The following ACRBP variants were observed in gnomAD, a reference collection of about 807,000 sequenced individuals.
ACRBP encodes acrosin-binding protein.
Under a neutral mutation model 69.0 loss-of-function variants are expected in ACRBP, and 52 were observed. The observed-to-expected ratio is 0.75, with a 90% CI of 0.60 to 0.95. The LOEUF is 0.95. ACRBP is among the 40% of genes least tolerant of loss of function. The pLI is 0.00. For synonymous variants in ACRBP, 267 were observed against 258.9 expected (o/e 1.03, Z -0.30); for missense variants, 604 against 673.0 (o/e 0.90, Z 1.13).
chr12:6,644,338 AG>A lies in ACRBP; in HGVS notation c.742del (p.Leu248CysfsTer28), dbSNP rs781088084. 6.2e-7 allele frequency: 1 copy of A among 1,614,108 alleles called. No individual in the cohort carries two copies. The highest frequency in any genetic ancestry group is 8.5e-7 in the Non-Finnish European group (1 of 1,180,018). On this transcript the variant is annotated frameshift_variant, in exon 5 of 10. Transcript: ENST00000229243. LOFTEE classifies it high-confidence loss of function. ...AAACTTGGGCTCTGAGTCTGTCTGC[AG>A]CTGAGACACAGCCTCCCGTCCCTCC... ...TKEGREAVSQ[L>X]QTDSEPKFHS... is the part of the protein sequence containing the mutation.
In ACRBP at chr12:6,640,654, C is replaced by T; in HGVS notation, c.1078-132G>A. 1.0e-6 allele frequency: 1 copy of T among 994,802 alleles called. No individual in the cohort carries two copies. Among genetic ancestry groups the T allele is most frequent in the Non-Finnish European group, 1.4e-6 (1 of 690,818 alleles). 61.6% of individuals were successfully genotyped at this position (994,802 alleles called of 1,614,324 possible). On this transcript the variant is annotated intron_variant, in intron 6 of 9. Coordinates refer to ENST00000229243, the MANE Select transcript of ACRBP (RefSeq NM_032489.3). This position sits in a 1 kb window ranked among gnomAD's most constrained non-coding sequence, Gnocchi z 5.3. ...TCTTCCAAAAGCTTCTCTGGGTTTTCTACTTGGCCTCCTCCCCAAGGGTTC... is the reference window on the plus strand; with the variant it reads ...TCTTCCAAAAGCTTCTCTGGGTTTTTTACTTGGCCTCCTCCCCAAGGGTTC...
At position 6,644,435 on chromosome 12, in the gene ACRBP, C is replaced by T; in HGVS notation, c.646G>A (p.Gly216Arg). 2 of 1,614,080 alleles carry T rather than the reference C, an allele frequency of 1.2e-6. No homozygotes were observed. Among genetic ancestry groups the T allele is most frequent in the Non-Finnish European group, 1.7e-6 (2 of 1,180,014 alleles). The part of the protein sequence containing the change: ...EPTQEHKQEE[G>R]QKQEEQEEEQ... ...TCTTCTTGCTCTTCCTGTTTCTGCCCCTCTTCCTGCTTGTGTTCTTGTGTC... is the reference window on the plus strand; with the variant it reads ...TCTTCTTGCTCTTCCTGTTTCTGCCTCTCTTCCTGCTTGTGTTCTTGTGTC... Residue 216 changes from glycine to arginine, a missense_variant, in exon 5 of 10, where the codon GGG (glycine) becomes AGG (arginine). By Grantham distance (125) the Gly-to-Arg change is moderately radical. Transcript: ENST00000229243.
In ACRBP at chr12:6,640,234, C is replaced by T. The variant is rs375599035; in HGVS notation, c.1258-7G>A. 2.4e-5 allele frequency: 39 copies of T among 1,614,118 alleles called. 1 individual carries two copies. The highest frequency in any genetic ancestry group is 2.4e-4 in the African/African-American group (18 of 75,058). On this transcript the variant is annotated splice_region_variant and splice_polypyrimidine_tract_variant and intron_variant, in intron 7 of 9. Coordinates refer to ENST00000229243, the MANE Select transcript of ACRBP (RefSeq NM_032489.3). This position sits in a 1 kb window ranked among gnomAD's most constrained non-coding sequence, Gnocchi z 5.3. The stretch of plus-strand genomic sequence containing the variant: ...CTGATTCTGGGGACCCTACCTGTGG[C>T]ACAGGAGATAGGGGAGAGGTGCGTG...
chr12:6,641,754 C>G (rs74057049), intron 6 of ACRBP, among the ~76,000 whole-genome samples: 3,042 of 152,238 alleles, frequency 0.02, 120 homozygotes, highest in African/African-American at 0.07. Context: ...CATGAAATTT[C>G]TACCTCTTCT....
rs758023830 is a variant in ACRBP at position 6,645,308 on chromosome 12, A to C, written c.387T>G (p.Ile129Met). The C allele has an allele frequency of 5.0e-6, 8 of 1,613,696 alleles. No individual in the cohort carries two copies. In the South Asian group the frequency reaches 8.8e-5, roughly 18 times the overall value. Reference protein sequence around the residue: ...KRVLCSQPVSILSPNTLKEIE... With the variant: ...KRVLCSQPVSMLSPNTLKEIE... Reference sequence around the variant, plus strand: ...TCTCCTTGAGAGTGTTAGGTGAGAGAATAGAGACTGGCTGGGAACACAGGA... The same window carrying C: ...TCTCCTTGAGAGTGTTAGGTGAGAGCATAGAGACTGGCTGGGAACACAGGA... Residue 129 changes from isoleucine to methionine, a missense_variant, in exon 4 of 10, where the codon ATT becomes ATG. Physicochemically the swap from Ile to Met is conservative, Grantham distance 10 (BLOSUM62 1). Around this residue, in one of 3 missense-constraint regions of ACRBP, gnomAD observed 532 missense variants for 562.9 expected, o/e 0.95. Transcript: ENST00000229243.
chr12:6,644,693 C>T (rs1949075956), intron 4 of ACRBP, 88 bp from the exon 5 acceptor site: 1 of 1,502,114 alleles, frequency 6.7e-7, no homozygotes, highest in African/African-American at 1.4e-5. Context: ...CACACATAAA[C>T]AAAGCAGACC....
In ACRBP at chr12:6,638,876, G is replaced by A. The variant is rs753398961; in HGVS notation, c.1509+78C>T. The A allele has an allele frequency of 1.9e-6, 3 of 1,595,922 alleles. No homozygotes were observed. The East Asian group carries it at 6.7e-5, about 36-fold the overall frequency. The stretch of plus-strand genomic sequence containing the variant: ...TTCCACATCCTAGCTGCTCGCAGAG[G>A]GGGCCTCAGAATAGACCAGTTATGG... On this transcript the variant is annotated intron_variant, in intron 9 of 9. Coordinates refer to ENST00000229243, the MANE Select transcript of ACRBP (RefSeq NM_032489.3).
At chr12:6,644,678 G>A (rs1949075849) in intron 4 of ACRBP, 73 bp from the exon 5 acceptor site, 1 of 1,523,520 alleles carries the variant, frequency 6.6e-7, no homozygotes. Context: ...GTTCACAGAG[G>A]GACACACACA....
At chr12:6,638,847 C>A in intron 9 of ACRBP, 107 bp downstream of exon 9, 1 of 1,564,056 alleles carries the variant, frequency 6.4e-7, no homozygotes, top group African/African-American at 1.3e-5. Context: ...AAGCAGGAAC[C>A]GCTTTCCACA....
intron 9 of ACRBP, 137 bp from the exon 10 acceptor site, chr12:6,638,541 C>G: frequency 7.5e-7 from 1 of 1,333,828 alleles, no homozygotes; most frequent in Non-Finnish European, 1.0e-6. Context: ...AAGGAGGAAA[C>G]TCAAATGTGG....
chr12:6,638,361 A>C lies in ACRBP; in HGVS notation c.1553T>G (p.Leu518Arg), dbSNP rs777989155. The change falls in exon 10 of 10, where the codon CTG becomes CGG. Residue 518 changes from leucine (L) to arginine (R), a missense_variant. Coordinates refer to ENST00000229243, the MANE Select transcript of ACRBP (RefSeq NM_032489.3). ...AACGTCCTCACTTTTGCCAGGGCTC[A>C]GCGCACTGTAAGTCTCATTCTGCAG... is the stretch of plus-strand genomic sequence containing the variant. The part of the protein sequence containing the change: ...RCLQNETYSA[L>R]SPGKSEDVVL... 2 of 1,614,086 alleles carry C rather than the reference A, an allele frequency of 1.2e-6. No individual in the cohort carries two copies. Among genetic ancestry groups the C allele is most frequent in the South Asian group, 2.2e-5 (2 of 91,090 alleles).
intron 8 of ACRBP, among the ~76,000 whole-genome samples, chr12:6,639,369 G>A (rs568045723): frequency 6.6e-6 from 1 of 152,306 alleles, no homozygotes; most frequent in East Asian, 1.9e-4. Flanking sequence ...TGATGTCAAG[G>A]ATTTTTCTGG....
chr12:6,641,343 A>G (rs890010465), intron 6 of ACRBP, among the ~76,000 whole-genome samples: 1 of 152,206 alleles, frequency 6.6e-6, no homozygotes, highest in African/African-American at 2.4e-5. Context: ...GTCACAGTGC[A>G]TGCAATCTCC....
rs1257127555 is a variant in ACRBP at position 6,640,944 on chromosome 12, G to A, written c.1078-422C>T. 6.6e-6 allele frequency among the ~76,000 whole-genome samples: 1 copy of A among 152,148 alleles called. No individual in the cohort carries two copies. The highest frequency in any genetic ancestry group is 6.6e-5 in the Admixed American group (1 of 15,266). ...TGATAATGCTAATATTTACAAAGAGGTGACCCAGTGCCAGCACTATGGCTA... is the reference window on the plus strand; with the variant it reads ...TGATAATGCTAATATTTACAAAGAGATGACCCAGTGCCAGCACTATGGCTA... On this transcript the variant is annotated intron_variant, in intron 6 of 9. Transcript: ENST00000229243. The surrounding 1 kb of genome is among the most constrained non-coding windows in gnomAD (Gnocchi z 5.3).
intron 4 of ACRBP, 75 bp downstream of exon 4, chr12:6,645,145 A>T: frequency 8.5e-7 from 1 of 1,181,104 alleles, no homozygotes; most frequent in Non-Finnish European, 1.2e-6. Flanking sequence ...TTTCCCTGCC[A>T]TGGATGCCTT....
rs191161628 is a variant in ACRBP at position 6,645,753 on chromosome 12, C to T, written c.358-416G>A. Among the ~76,000 whole-genome samples, 719 of 151,762 alleles carry T rather than the reference C, an allele frequency of 4.7e-3. 7 individuals carry two copies. Among genetic ancestry groups the T allele is most frequent in the African/African-American group, 0.016 (669 of 41,378 alleles). ...TCGGCTCACTGCAAGCCCCACCTCC[C>T]GGGTTCACGCCATTCTCCTGCCTCA... On this transcript the variant is annotated intron_variant, in intron 3 of 9. Coordinates refer to ENST00000229243, the MANE Select transcript of ACRBP (RefSeq NM_032489.3).
chr12:6,641,141 T>G (rs1300668340), intron 6 of ACRBP, among the ~76,000 whole-genome samples: 3 of 152,208 alleles, frequency 2.0e-5, no homozygotes, highest in Non-Finnish European at 4.4e-5. Context: ...TCCTTCCAAC[T>G]CTAAAACCTA....
Position 6,638,944 on chromosome 12 carries a change from G to A in ACRBP, c.1509+10C>T. 6.2e-7 allele frequency: 1 copy of A among 1,613,414 alleles called. No homozygotes were observed. Among genetic ancestry groups the A allele is most frequent in the Non-Finnish European group, 8.5e-7 (1 of 1,179,610 alleles). On this transcript the variant is annotated intron_variant, in intron 9 of 9. Transcript: ENST00000229243. ...GCTGGGAGAAGGAGGGGCAGGGCAG[G>A]GGTGCTCACCTTCCGATTGCGGTTT...
Position 6,640,244 on chromosome 12 carries a change from A to G in ACRBP, c.1258-17T>C. On this transcript the variant is annotated splice_polypyrimidine_tract_variant and intron_variant, in intron 7 of 9. Coordinates refer to ENST00000229243, the MANE Select transcript of ACRBP (RefSeq NM_032489.3). The surrounding 1 kb of genome is among the most constrained non-coding windows in gnomAD (Gnocchi z 5.3). Reference sequence around the variant, plus strand: ...GGACCCTACCTGTGGCACAGGAGATAGGGGAGAGGTGCGTGCCCCTCCCCA... The same window carrying G: ...GGACCCTACCTGTGGCACAGGAGATGGGGGAGAGGTGCGTGCCCCTCCCCA... The G allele has an allele frequency of 6.8e-6, 11 of 1,613,960 alleles. No homozygotes were observed. Among genetic ancestry groups the G allele is most frequent in the Non-Finnish European group, 7.6e-6 (9 of 1,179,884 alleles).
Sources: gnomAD v4.1 joint callset for allele counts (sites outside exome capture counted in the v4.1 genomes callset) on GRCh38, gnomAD v4.1.1 for gene constraint, gnomAD v4.1.1 regional missense constraint, Gnocchi (gnomAD v3.1) non-coding constraint, MANE v1.5 for transcripts, NCBI Gene and HGNC (gene_info 2026-07-23, HGNC 2026-07-21) for gene names.